The following HERC2 variants were observed in gnomAD, a reference collection of about 807,000 sequenced individuals.
The protein encoded by HERC2 is HECT and RLD domain containing E3 ubiquitin protein ligase 2, also known as E3 ubiquitin-protein ligase HERC2.
In HERC2, 102 loss-of-function variants were observed where a neutral mutation model predicts 537.7. The observed-to-expected ratio is 0.19, with a 90% CI of 0.16 to 0.22. The LOEUF (loss-of-function observed/expected upper bound fraction) is 0.22. Among genes scored for constraint, HERC2 ranks in the 10% least tolerant of loss-of-function variants. The pLI is 1.00. For synonymous variants in HERC2, 2,224 were observed against 2,466.2 expected (o/e 0.90, Z 2.91); for missense variants, 4,236 against 6,198.2 (o/e 0.68, Z 10.63).
intron 88 of HERC2, among the ~76,000 whole-genome samples, chr15:28,116,380 A>G (rs2142053735): frequency 6.6e-6 from 1 of 151,632 alleles, no homozygotes; most frequent in African/African-American, 2.4e-5. Context: ...CAGCCAGCTA[A>G]TTTTTTTTGT....
rs115579022 is a variant in HERC2, at chr15:28,134,127, G to A, written c.12231-1297C>T. On this transcript the variant is annotated intron_variant, in intron 79 of 92. Coordinates refer to ENST00000261609, the MANE Select transcript of HERC2 (RefSeq NM_004667.6). ...ACAGCATGCCCCTTCACGACTTTAGGTTTTTTAAAAATTATCTCAGCAATA... is the reference window on the plus strand; with the variant it reads ...ACAGCATGCCCCTTCACGACTTTAGATTTTTTAAAAATTATCTCAGCAATA... Among the ~76,000 whole-genome samples the A allele has an allele frequency of 3.6e-3, 546 of 152,148 alleles. 6 individuals are homozygous for A. The highest frequency in any genetic ancestry group is 0.013 in the African/African-American group (520 of 41,520).
chr15:28,142,379 A>T lies in HERC2; in HGVS notation c.11559T>A (p.Leu3853=). 1 of 1,613,542 alleles carries T rather than the reference A, an allele frequency of 6.2e-7. No individual in the cohort carries two copies. Among genetic ancestry groups the T allele is most frequent in the Non-Finnish European group, 8.5e-7 (1 of 1,179,728 alleles). The part of the protein sequence containing the change: ...HSPFFKVLVA[L]ACDLELDTLP... Reference sequence around the variant, plus strand: ...GAGTGTCCAGCTCCAGGTCACAAGCAAGAGCTACCAGTACCTGCAGGCACC... The same window carrying T: ...GAGTGTCCAGCTCCAGGTCACAAGCTAGAGCTACCAGTACCTGCAGGCACC... The change falls in exon 76 of 93, where the codon CTT becomes CTA. Residue 3853 remains leucine, a synonymous_variant. Coordinates refer to ENST00000261609, the MANE Select transcript of HERC2 (RefSeq NM_004667.6).
At chr15:28,237,907 A>T (rs548131690) in intron 25 of HERC2, among the ~76,000 whole-genome samples, 49 of 152,352 alleles carry the variant, frequency 3.2e-4, no homozygotes, top group African/African-American at 1.1e-3. Context: ...TTTAAAAAAC[A>T]ATTTTTCAAG....
Position 28,132,083 on chromosome 15 carries a change from G to GA in HERC2, c.12570+16dup. On this transcript the variant is annotated intron_variant, in intron 81 of 92. Transcript: ENST00000261609. ...GTGAGCTGGGAGAGCACTGGGCAGG[G>GA]AAAGAATGGGAAATACCTTCATAGG... 16 of 1,575,210 alleles carry GA rather than the reference G, an allele frequency of 1.0e-5. No individual in the cohort carries two copies. The highest frequency in any genetic ancestry group is 1.4e-5 in the Non-Finnish European group (16 of 1,154,266).
At chr15:28,216,692 AC>A (rs1386062966) in intron 38 of HERC2, among the ~76,000 whole-genome samples, 4 of 150,704 alleles carry the variant, frequency 2.7e-5, no homozygotes, top group African/African-American at 9.8e-5. Flanking sequence ...TTATTCAGAC[AC>A]ACTCATGGGC....
chr15:28,117,664 A>G (rs1204362803), intron 86 of HERC2: 2 of 402,144 alleles, frequency 5.0e-6, no homozygotes, highest in East Asian at 7.1e-5. Context: ...TGAGTGCCTC[A>G]GCCAGGACCA....
intron 85 of HERC2, among the ~76,000 whole-genome samples, chr15:28,123,029 T>C (rs751242558): frequency 3.3e-5 from 5 of 152,228 alleles, no homozygotes; most frequent in Non-Finnish European, 5.9e-5. Flanking sequence ...CTTTTTATTA[T>C]TGAACAGTAA....
At chr15:28,201,274 C>A (rs1175181131) in intron 48 of HERC2, among the ~76,000 whole-genome samples, 182 bp downstream of exon 48, 1 of 152,228 alleles carries the variant, frequency 6.6e-6, no homozygotes, top group Non-Finnish European at 1.5e-5. Context: ...CTTTCTCATT[C>A]CAGGGTACAC....
At chr15:28,241,487 C>T (rs920336317) in intron 23 of HERC2, among the ~76,000 whole-genome samples, 1 of 152,034 alleles carries the variant, frequency 6.6e-6, no homozygotes, top group African/African-American at 2.4e-5. Flanking sequence ...ATAAAATTAC[C>T]ATATAATCTA....
chr15:28,114,492 T>TG lies in HERC2; in HGVS notation c.13913+119dup. 12 of 837,072 alleles carry TG rather than the reference T, an allele frequency of 1.4e-5. No individual in the cohort carries two copies. In the South Asian group the frequency reaches 2.0e-4, roughly 14 times the overall value. 51.9% of individuals were successfully genotyped at this position (837,072 alleles called of 1,614,324 possible). A position where few individuals can be genotyped will look rare whatever the true frequency, so the allele number is the denominator to read the frequency against. On this transcript the variant is annotated intron_variant, in intron 90 of 92. Coordinates refer to ENST00000261609, the MANE Select transcript of HERC2 (RefSeq NM_004667.6). ...TTTATACCCACAGATCAGCAATAGTTGGAGCCAAATCCATTACTTTACTGT... is the reference window on the plus strand; with the variant it reads ...TTTATACCCACAGATCAGCAATAGTTGGGAGCCAAATCCATTACTTTACTGT...
At chr15:28,279,605 G>T (rs1194670774) in intron 5 of HERC2, among the ~76,000 whole-genome samples, 1 of 134,926 alleles carries the variant, frequency 7.4e-6, no homozygotes, top group African/African-American at 3.4e-5. Flanking sequence ...CCAGGAGCAA[G>T]ACCCCATCTC....
At chr15:28,211,874 C>T (rs928329289) in intron 43 of HERC2, among the ~76,000 whole-genome samples, 3 of 152,278 alleles carry the variant, frequency 2.0e-5, no homozygotes, top group East Asian at 1.9e-4. Flanking sequence ...GGGCAGAATA[C>T]GCCATAGTTA....
chr15:28,129,341 T>G (rs1889851771), intron 83 of HERC2, among the ~76,000 whole-genome samples: 3 of 152,218 alleles, frequency 2.0e-5, no homozygotes, highest in African/African-American at 7.2e-5. Flanking sequence ...CGAGCTTAAC[T>G]GCCCCGGCAC....
At chr15:28,230,735 A>C (rs1901745203) in intron 30 of HERC2, among the ~76,000 whole-genome samples, 1 of 151,752 alleles carries the variant, frequency 6.6e-6, no homozygotes, top group African/African-American at 2.4e-5. Context: ...CCCGGCAGCC[A>C]GCAAGCTCTT....
chr15:28,297,948 C>T (rs1234610054), intron 3 of HERC2, among the ~76,000 whole-genome samples: 1 of 148,546 alleles, frequency 6.7e-6, no homozygotes, highest in Non-Finnish European at 1.5e-5. Context: ...GAGCCAAATA[C>T]GGTGGCAGAA....
In HERC2 at chr15:28,265,928, C is replaced by A; in HGVS notation, c.1645G>T (p.Ala549Ser). The A allele has an allele frequency of 6.2e-7, 1 of 1,614,178 alleles. No individual in the cohort carries two copies. Among genetic ancestry groups the A allele is most frequent in the South Asian group, 1.1e-5 (1 of 91,090 alleles). Residue 549 changes from alanine to serine, a missense_variant, in exon 13 of 93, where the codon GCC (alanine) becomes TCC (serine). Around this residue, in one of 27 missense-constraint regions of HERC2, gnomAD observed 754 missense variants for 1,085.0 expected, o/e 0.69. Coordinates refer to ENST00000261609, the MANE Select transcript of HERC2 (RefSeq NM_004667.6). This position sits in a 1 kb window ranked among gnomAD's most constrained non-coding sequence, Gnocchi z 4.0. ...KVISAFSGKQ[A>S]GKHVVHIACG... ...GCGATGTGCACCACGTGCTTCCCGGCCTGCTTTCCAGAGAAGGCGGAGATC... is the reference window on the plus strand; with the variant it reads ...GCGATGTGCACCACGTGCTTCCCGGACTGCTTTCCAGAGAAGGCGGAGATC...
In HERC2 at chr15:28,265,857, C is replaced by T. The variant is rs1198591107; in HGVS notation, c.1716G>A (p.Leu572=). ...CGTAGTTCCCGCGGCCCCAGGTGTA[C>T]AGCTCCCCCTCGGCAGTGATGGCCG... ...YSAAITAEGE[L]YTWGRGNYGR... The change falls in exon 13 of 93, where the codon CTG becomes CTA. Residue 572 remains leucine (L), a synonymous_variant. Transcript: ENST00000261609. The surrounding 1 kb of genome is among the most constrained non-coding windows in gnomAD (Gnocchi z 4.0). 2 of 1,614,156 alleles carry T rather than the reference C, an allele frequency of 1.2e-6. No individual in the cohort carries two copies. The highest frequency in any genetic ancestry group is 1.1e-5 in the South Asian group (1 of 91,088).
intron 4 of HERC2, among the ~76,000 whole-genome samples, chr15:28,289,037 C>T (rs1230705736): frequency 1.3e-5 from 2 of 151,510 alleles, no homozygotes; most frequent in African/African-American, 2.4e-5. Context: ...AGCACTGCCC[C>T]GCAGCTCAGG....
At position 28,260,938 on chromosome 15, in the gene HERC2, T is replaced by C. The variant is rs1313937382; in HGVS notation, c.2155A>G (p.Thr719Ala). 6.2e-7 allele frequency: 1 copy of C among 1,613,718 alleles called. No individual in the cohort carries two copies. Among genetic ancestry groups the C allele is most frequent in the Non-Finnish European group, 8.5e-7 (1 of 1,179,950 alleles). The change falls in exon 16 of 93, where the codon ACC becomes GCC. Residue 719 changes from threonine (T) to alanine (A), a missense_variant. This residue lies in a region of HERC2 where 754 missense variants were observed against 1,085.0 expected (regional missense o/e 0.69). Transcript: ENST00000261609. ...KKVIDVAAGSTHCLALTEDSE... is the reference protein window; with the variant it reads ...KKVIDVAAGSAHCLALTEDSE... ...TCCTCAGTCAGAGCCAGGCAGTGGG[T>C]GGAGCCTGCAGCCACATCAATCACC...
Sources: allele counts gnomAD v4.1 joint callset (sites outside exome capture counted in the v4.1 genomes callset), GRCh38; gene constraint gnomAD v4.1.1; regional missense constraint gnomAD v4.1.1; non-coding constraint Gnocchi (gnomAD v3.1); transcripts MANE v1.5; gene names NCBI Gene and HGNC (gene_info 2026-07-23, HGNC 2026-07-21).